The following FRAS1 variants were observed in gnomAD, a reference collection of about 807,000 sequenced individuals.
The protein encoded by FRAS1 is extracellular matrix organizing protein FRAS1.
A neutral mutation model predicts 435.2 loss-of-function variants in FRAS1; 290 were observed. That is an observed-to-expected ratio of 0.67 (90% CI 0.61 to 0.73). The LOEUF (loss-of-function observed/expected upper bound fraction) is 0.73. FRAS1 is among the 30% of genes least tolerant of loss of function. The pLI is 0.00. For missense variants in FRAS1, 4,860 were observed against 5,001.5 expected, an observed-to-expected ratio of 0.97 and a Z score of 0.85; for synonymous variants, 1,800 against 1,851.0, an observed-to-expected ratio of 0.97 and a Z score of 0.71.
intron 6 of FRAS1, among the ~76,000 whole-genome samples, chr4:78,262,183 C>G (rs572699991): frequency 6.6e-5 from 10 of 152,298 alleles, no homozygotes; most frequent in African/African-American, 2.2e-4. Flanking sequence ...ACAAAAAACT[C>G]AGATCCTCAG....
At chr4:78,183,732 TTG>T (rs3974339) in intron 2 of FRAS1, among the ~76,000 whole-genome samples, 4,910 of 136,952 alleles carry the variant, frequency 0.036, 95 homozygotes, top group South Asian at 0.069. Flanking sequence ...TTCATTCTCT[TTG>T]TGTGTGTGTG....
At chr4:78,387,735 C>A (rs375004087) in intron 29 of FRAS1, 34 bp downstream of exon 29, 8 of 1,370,804 alleles carry the variant, frequency 5.8e-6, no homozygotes, top group African/African-American at 1.4e-5. Context: ...AGTTTCTTTG[C>A]ACCTAGATGT....
intron 2 of FRAS1, among the ~76,000 whole-genome samples, chr4:78,134,126 T>A (rs1463276174): frequency 6.6e-6 from 1 of 151,896 alleles, no homozygotes; most frequent in South Asian, 2.1e-4. Context: ...GCCTGGCTAA[T>A]TTTTTTGTAT....
intron 18 of FRAS1, among the ~76,000 whole-genome samples, chr4:78,329,352 C>T (rs1729845756): frequency 6.6e-6 from 1 of 152,184 alleles, no homozygotes; most frequent in Non-Finnish European, 1.5e-5. Context: ...CCCCTCAATG[C>T]ATTTAATTAA....
intron 20 of FRAS1, among the ~76,000 whole-genome samples, chr4:78,341,457 G>A (rs1047367947): frequency 6.6e-6 from 1 of 152,146 alleles, no homozygotes; most frequent in African/African-American, 2.4e-5. Flanking sequence ...TTCTTTAGGA[G>A]GTAGCTGCAG....
At chr4:78,343,794 G>A (rs1033284608) in intron 20 of FRAS1, among the ~76,000 whole-genome samples, 4 of 152,178 alleles carry the variant, frequency 2.6e-5, no homozygotes, top group African/African-American at 9.7e-5. Flanking sequence ...AGCCTGGTAC[G>A]AGCCAGGGCA....
At chr4:78,227,209 A>G (rs1724312531) in intron 2 of FRAS1, among the ~76,000 whole-genome samples, 1 of 152,210 alleles carries the variant, frequency 6.6e-6, no homozygotes, top group Non-Finnish European at 1.5e-5. Context: ...TTTATGTGTA[A>G]AATAGAGTTA....
At chr4:78,172,508 T>A (rs1721601489) in intron 2 of FRAS1, among the ~76,000 whole-genome samples, 1 of 152,158 alleles carries the variant, frequency 6.6e-6, no homozygotes, top group African/African-American at 2.4e-5. Context: ...CTGTTAACAC[T>A]TTGGAAATTT....
Position 78,464,600 on chromosome 4 carries a change from C to G in FRAS1, c.7029+17C>G. 1 of 1,612,486 alleles carries G rather than the reference C, an allele frequency of 6.2e-7. No homozygotes were observed. Among genetic ancestry groups the G allele is most frequent in the Non-Finnish European group, 8.5e-7 (1 of 1,179,442 alleles). ...GACACAGAGGTAAGAGCACTTCTTCCCATGGGTTCTCTGGCTAAATGAGAG... is the reference window on the plus strand; with the variant it reads ...GACACAGAGGTAAGAGCACTTCTTCGCATGGGTTCTCTGGCTAAATGAGAG... On this transcript the variant is annotated intron_variant, in intron 49 of 73. Transcript: ENST00000512123.
At position 78,526,667 on chromosome 4, in the gene FRAS1, T is replaced by C; in HGVS notation, c.10925+10T>C. The C allele has an allele frequency of 6.8e-7, 1 of 1,475,816 alleles. No homozygotes were observed. Among genetic ancestry groups the C allele is most frequent in the Non-Finnish European group, 9.2e-7 (1 of 1,092,414 alleles). The allele number at this position is 1,475,816 out of a possible 1,614,324, so 91.4% of individuals were successfully genotyped here. A position where few individuals can be genotyped will look rare whatever the true frequency, so the allele number is the denominator to read the frequency against. On this transcript the variant is annotated intron_variant, in intron 70 of 73. Coordinates refer to ENST00000512123, the MANE Select transcript of FRAS1 (RefSeq NM_025074.7). ...CACATGCCCCAGAAAGGTAGGAAAA[T>C]ATAGTCAATCCTCATTATTTGTTGA...
rs1001372037 is a variant in FRAS1 at position 78,115,327 on chromosome 4, G to A, written c.108+49311G>A. 4.6e-5 allele frequency among the ~76,000 whole-genome samples: 7 copies of A among 152,212 alleles called. No individual in the cohort carries two copies. In the East Asian group the frequency reaches 5.8e-4, roughly 13 times the overall value. ...TGTCTCTGCCAGGCTTTGGTATCAG[G>A]ATGATGCTGGCCTCATAAAATAACT... On this transcript the variant is annotated intron_variant, in intron 2 of 73. Transcript: ENST00000512123.
intron 22 of FRAS1, among the ~76,000 whole-genome samples, chr4:78,365,083 C>T (rs910691140): frequency 3.3e-5 from 5 of 151,890 alleles, no homozygotes; most frequent in South Asian, 2.1e-4. Flanking sequence ...TATTGATTAA[C>T]GATTATTTTG....
At chr4:78,433,356 T>A (rs1734287228) in intron 38 of FRAS1, among the ~76,000 whole-genome samples, 1 of 152,270 alleles carries the variant, frequency 6.6e-6, no homozygotes, top group South Asian at 2.1e-4. Context: ...GACTAGTTTT[T>A]ACAATGCCTT....
rs950436879 is a variant in FRAS1, at chr4:78,409,751, C to G, written c.4308+1910C>G. Among the ~76,000 whole-genome samples, 8 of 152,272 alleles carry G rather than the reference C, an allele frequency of 5.3e-5. No individual in the cohort carries two copies. In the East Asian group the frequency reaches 9.6e-4, roughly 18 times the overall value. ...AGAAAATATCTATGTTTATGGGGATCAGCCAAAGCGGTGTCAGGGCCTCTC... is the reference window on the plus strand; with the variant it reads ...AGAAAATATCTATGTTTATGGGGATGAGCCAAAGCGGTGTCAGGGCCTCTC... On this transcript the variant is annotated intron_variant, in intron 31 of 73. Coordinates refer to ENST00000512123, the MANE Select transcript of FRAS1 (RefSeq NM_025074.7).
intron 48 of FRAS1, 129 bp from the exon 49 acceptor site, chr4:78,464,314 A>C: frequency 7.2e-7 from 1 of 1,393,200 alleles, no homozygotes; most frequent in Non-Finnish European, 9.9e-7. Flanking sequence ...AAGAGGACTC[A>C]CTCTGGGGCT....
chr4:78,168,396 G>C (rs1217083219), intron 2 of FRAS1, among the ~76,000 whole-genome samples: 2 of 151,358 alleles, frequency 1.3e-5, no homozygotes, highest in African/African-American at 2.4e-5. Flanking sequence ...TTTGTTTTTT[G>C]TTTTTTCTTT....
At chr4:78,118,359 T>C (rs902081152) in intron 2 of FRAS1, among the ~76,000 whole-genome samples, 1 of 152,160 alleles carries the variant, frequency 6.6e-6, no homozygotes, top group Non-Finnish European at 1.5e-5. Context: ...CTCAACGCTG[T>C]CAGACAGGGA....
At chr4:78,222,122 C>T (rs1341641994) in intron 2 of FRAS1, among the ~76,000 whole-genome samples, 2 of 152,092 alleles carry the variant, frequency 1.3e-5, no homozygotes, top group African/African-American at 2.4e-5. Flanking sequence ...TATTAATGGG[C>T]TCAAGGCACT....
chr4:78,530,821 G>T (rs770315825), intron 70 of FRAS1, among the ~76,000 whole-genome samples: 1 of 152,110 alleles, frequency 6.6e-6, no homozygotes, highest in African/African-American at 2.4e-5. Flanking sequence ...TGGGTATACG[G>T]GTTCTTTTAT....
Sources: allele counts gnomAD v4.1 joint callset (sites outside exome capture counted in the v4.1 genomes callset), GRCh38; gene constraint gnomAD v4.1.1; transcripts MANE v1.5; gene names NCBI Gene and HGNC (gene_info 2026-07-23, HGNC 2026-07-21).